The following ACAP1 variants were observed in gnomAD, a reference collection of about 807,000 sequenced individuals.
ACAP1 encodes the protein ArfGAP with coiled-coil, ankyrin repeat and PH domains 1.
ACAP1 carries 45 observed loss-of-function variants against 98.8 expected under a neutral mutation model. The ratio of observed to expected loss-of-function variants is 0.46; its 90% CI spans 0.36 to 0.58. The LOEUF is 0.58. Ranked by LOEUF, ACAP1 falls within the 20% of genes least tolerant of loss-of-function variation. The probability of loss-of-function intolerance (pLI) is 0.00; values close to 1 mark genes in which losing one functional copy is unlikely to be tolerated. For missense variants in ACAP1, 735 were observed against 971.4 expected (o/e 0.76, Z 3.24); for synonymous variants, 362 against 375.3 (o/e 0.96, Z 0.41).
chr17:7,348,553 G>T, intron 17 of ACAP1, 78 bp downstream of exon 17: 1 of 1,407,594 alleles, frequency 7.1e-7, no homozygotes. Context: ...GAGGCACAGA[G>T]TGTGAAGCCC....
intron 5 of ACAP1, 42 bp downstream of exon 5, chr17:7,342,516 A>G: frequency 6.2e-7 from 1 of 1,602,358 alleles, no homozygotes; most frequent in Admixed American, 1.7e-5. Flanking sequence ...CTGTAATCCC[A>G]ACACTTTGGA....
At position 7,350,073 on chromosome 17, in the gene ACAP1, G is replaced by T. The variant is rs780105019; in HGVS notation, c.1961+19G>T. 27 of 1,613,154 alleles carry T rather than the reference G, an allele frequency of 1.7e-5. No homozygotes were observed. In the South Asian group the frequency reaches 3.0e-4, roughly 18 times the overall value. On this transcript the variant is annotated intron_variant, in intron 19 of 21. Coordinates refer to ENST00000158762, the MANE Select transcript of ACAP1 (RefSeq NM_014716.4). This position sits in a 1 kb window ranked among gnomAD's most constrained non-coding sequence, Gnocchi z 4.6. ...ACACGGGGTAGGGATGATGGCATGG[G>T]GAGGAAGGCTGGGAGAAGTTGGGCG... is the stretch of plus-strand genomic sequence containing the variant.
chr17:7,348,012 G>T, intron 15 of ACAP1, 21 bp downstream of exon 15: 1 of 1,614,014 alleles, frequency 6.2e-7, no homozygotes, highest in Non-Finnish European at 8.5e-7. Context: ...GTATTGTGAA[G>T]ATTGGGGGCA....
In ACAP1 at chr17:7,350,034, A is replaced by G. The variant is rs752671080; in HGVS notation, c.1941A>G (p.Ala647=). 9 of 1,613,356 alleles carry G rather than the reference A, an allele frequency of 5.6e-6. No individual in the cohort carries two copies. The highest frequency in any genetic ancestry group is 1.6e-4 in the Middle Eastern group (1 of 6,080). ...DSAGRGPLHH[A]TILGHTGLAC... ...CGGGCCGGGGCCCGCTGCACCACGCAACCATTCTTGGCCACACGGGGTAGG... is the reference window on the plus strand; with the variant it reads ...CGGGCCGGGGCCCGCTGCACCACGCGACCATTCTTGGCCACACGGGGTAGG... The change falls in exon 19 of 22, where the codon GCA becomes GCG. Residue 647 remains alanine (A), a synonymous_variant. Transcript: ENST00000158762. The surrounding 1 kb of genome is among the most constrained non-coding windows in gnomAD (Gnocchi z 4.6).
At chr17:7,340,944 G>T (rs781306570) in intron 2 of ACAP1, among the ~76,000 whole-genome samples, 2 of 152,072 alleles carry the variant, frequency 1.3e-5, no homozygotes, top group Non-Finnish European at 2.9e-5. Context: ...GCCTCCCAAA[G>T]TGTTGAGATT....
At chr17:7,349,440 A>ATCTC (rs949111687) in intron 18 of ACAP1, 1 of 353,740 alleles carries the variant, frequency 2.8e-6, no homozygotes, top group Admixed American at 4.4e-5. Context: ...CAATGGTGCG[A>ATCTC]TCTCGGCTCA....
At position 7,343,645 on chromosome 17, in the gene ACAP1, A is replaced by T; in HGVS notation, c.529-61A>T. The T allele has an allele frequency of 6.3e-7, 1 of 1,598,952 alleles. No individual in the cohort carries two copies. On this transcript the variant is annotated intron_variant, in intron 6 of 21. Transcript: ENST00000158762. The surrounding 1 kb of genome is among the most constrained non-coding windows in gnomAD (Gnocchi z 4.9). Reference sequence around the variant, plus strand: ...TTGGGGGTCTCCAGTGTGCAGTGGGAAGGGGTGCTGTGTCTTCAAGACTGA... The same window carrying T: ...TTGGGGGTCTCCAGTGTGCAGTGGGTAGGGGTGCTGTGTCTTCAAGACTGA...
At chr17:7,348,263 T>C (rs1004036630) in intron 16 of ACAP1, 42 bp downstream of exon 16, 1 of 1,610,574 alleles carries the variant, frequency 6.2e-7, no homozygotes, top group Non-Finnish European at 8.5e-7. Flanking sequence ...GGGGGACCCC[T>C]GGAGCAGAAG....
intron 18 of ACAP1, chr17:7,349,497 GCCTGA>G: frequency 3.7e-6 from 1 of 271,824 alleles, no homozygotes; most frequent in Non-Finnish European, 6.9e-6. Context: ...TGCCTCAGCT[GCCTGA>G]GTAGCTGGGA....
intron 12 of ACAP1, 132 bp downstream of exon 12, chr17:7,346,623 G>T: frequency 8.6e-7 from 1 of 1,169,328 alleles, no homozygotes; most frequent in East Asian, 2.4e-5. Context: ...GCTGGACTGG[G>T]GGGCCATTGT....
chr17:7,347,884 C>G (rs745396018), intron 14 of ACAP1, 38 bp from the exon 15 acceptor site: 3 of 1,584,528 alleles, frequency 1.9e-6, no homozygotes, highest in Non-Finnish European at 2.6e-6. Flanking sequence ...CCACTGCCCC[C>G]CTGCACAGGG....
intron 2 of ACAP1, among the ~76,000 whole-genome samples, chr17:7,340,611 G>A (rs141738980): frequency 0.014 from 2,194 of 152,240 alleles, 52 homozygotes; most frequent in African/African-American, 0.048. Context: ...TCGGGAGGCC[G>A]AAGCAGGTGG....
At chr17:7,338,522 C>T (rs1015278499) in intron 2 of ACAP1, among the ~76,000 whole-genome samples, 3 of 152,066 alleles carry the variant, frequency 2.0e-5, no homozygotes, top group Admixed American at 6.5e-5. Context: ...CGCAGCCTCC[C>T]AAAGTGCTGG....
rs1461729250 is a variant in ACAP1, at chr17:7,346,263, A to G, written c.874A>G (p.Ser292Gly). 1.9e-6 allele frequency: 3 copies of G among 1,614,086 alleles called. No individual in the cohort carries two copies. The highest frequency in any genetic ancestry group is 1.7e-6 in the Non-Finnish European group (2 of 1,180,038). ...TWSRRWFTIQSNQLVYQKKYK... is the reference protein window; with the variant it reads ...TWSRRWFTIQGNQLVYQKKYK... ...TTACAGACGCTGGTTCACCATTCAGAGCAACCAACTGGTTTACCAGAAGAA... is the reference window on the plus strand; with the variant it reads ...TTACAGACGCTGGTTCACCATTCAGGGCAACCAACTGGTTTACCAGAAGAA... The change falls in exon 11 of 22, where the codon AGC becomes GGC. Residue 292 changes from serine (S) to glycine (G), a missense_variant. By Grantham distance (56) the Ser-to-Gly change is moderately conservative (BLOSUM62 0). Coordinates refer to ENST00000158762, the MANE Select transcript of ACAP1 (RefSeq NM_014716.4).
chr17:7,348,541 G>T, intron 17 of ACAP1, 66 bp downstream of exon 17: 1 of 1,427,070 alleles, frequency 7.0e-7, no homozygotes, highest in Non-Finnish European at 9.2e-7. Context: ...AGGTAGCGCC[G>T]GGAGGCACAG....
At position 7,350,608 on chromosome 17, in the gene ACAP1, A is replaced by C. The variant is rs2073396896; in HGVS notation, c.2073-342A>C. 1.4e-5 allele frequency: 5 copies of C among 362,714 alleles called. No individual in the cohort carries two copies. Among genetic ancestry groups the C allele is most frequent in the East Asian group, 1.1e-4 (2 of 18,206 alleles). 22.5% of individuals were successfully genotyped at this position (362,714 alleles called of 1,614,324 possible). ...GGGAAGTTGTGGGGGAGGTGAGGATAGTCTTTTTTTTTTTTTTTGAGACGG... is the reference window on the plus strand; with the variant it reads ...GGGAAGTTGTGGGGGAGGTGAGGATCGTCTTTTTTTTTTTTTTTGAGACGG... On this transcript the variant is annotated intron_variant, in intron 20 of 21. Transcript: ENST00000158762. The surrounding 1 kb of genome is among the most constrained non-coding windows in gnomAD (Gnocchi z 4.6).
intron 12 of ACAP1, 138 bp downstream of exon 12, chr17:7,346,629 A>G: frequency 8.7e-7 from 1 of 1,151,390 alleles, no homozygotes; most frequent in Non-Finnish European, 1.2e-6. Context: ...CTGGGGGGCC[A>G]TTGTGGAAGA....
intron 2 of ACAP1, among the ~76,000 whole-genome samples, chr17:7,338,058 A>G (rs527967514): frequency 6.6e-6 from 1 of 152,130 alleles, no homozygotes; most frequent in East Asian, 1.9e-4. Context: ...GTTCACACAA[A>G]TACACACTCA....
At chr17:7,340,329 A>T (rs1054771112) in intron 2 of ACAP1, among the ~76,000 whole-genome samples, 3 of 152,238 alleles carry the variant, frequency 2.0e-5, no homozygotes, top group African/African-American at 7.2e-5. Flanking sequence ...GTTGTTGCAC[A>T]TATCAACAGT....
Sources: gnomAD v4.1 joint callset for allele counts (sites outside exome capture counted in the v4.1 genomes callset) on GRCh38, gnomAD v4.1.1 for gene constraint, Gnocchi (gnomAD v3.1) non-coding constraint, MANE v1.5 for transcripts, NCBI Gene and HGNC (gene_info 2026-07-23, HGNC 2026-07-21) for gene names.